SPTBN1: variants seen among roughly 807,000 people sequenced by gnomAD.
The protein encoded by SPTBN1 is spectrin beta, non-erythrocytic 1.
SPTBN1 carries 32 observed loss-of-function variants against 266.4 expected under a neutral mutation model. The observed-to-expected ratio is 0.12, with a 90% CI of 0.09 to 0.16. The LOEUF is 0.16. Among genes scored for constraint, SPTBN1 ranks in the 10% least tolerant of loss-of-function variants. The probability of loss-of-function intolerance (pLI) is 1.00; values close to 1 mark genes in which losing one functional copy is unlikely to be tolerated. For missense variants in SPTBN1, 2,296 were observed against 3,067.1 expected (o/e 0.75, Z 5.94); for synonymous variants, 1,336 against 1,162.2 (o/e 1.15, Z -3.04).
At chr2:54,623,302 A>C (rs996052482) in intron 9 of SPTBN1, among the ~76,000 whole-genome samples, 177 bp from the exon 10 acceptor site, 6 of 152,256 alleles carry the variant, frequency 3.9e-5, no homozygotes, top group African/African-American at 1.4e-4. Flanking sequence ...GCAACAACAA[A>C]GAAATTCCAC....
chr2:54,558,820 G>C lies in SPTBN1; in HGVS notation c.148+32254G>C. ...CGTCTAGTATCTCCGGGCCGCTGTC[G>C]CCGGCGTACACGGGGCAGGTGCCTT... On this transcript the variant is annotated intron_variant, in intron 2 of 35. Coordinates refer to ENST00000356805, the MANE Select transcript of SPTBN1 (RefSeq NM_003128.3). The surrounding 1 kb of genome is among the most constrained non-coding windows in gnomAD (Gnocchi z 4.6). 1 of 1,613,824 alleles carries C rather than the reference G, an allele frequency of 6.2e-7. No homozygotes were observed. The highest frequency in any genetic ancestry group is 8.5e-7 in the Non-Finnish European group (1 of 1,179,806).
intron 4 of SPTBN1, among the ~76,000 whole-genome samples, chr2:54,614,829 C>T (rs1160509526): frequency 6.6e-6 from 1 of 151,634 alleles, no homozygotes; most frequent in Non-Finnish European, 1.5e-5. Context: ...TGGTGAGAAA[C>T]TGGAGTGGAA....
rs1406625043 is a variant in SPTBN1 at position 54,533,935 on chromosome 2, C to T, written c.148+7369C>T. Among the ~76,000 whole-genome samples the T allele has an allele frequency of 2.1e-5, 3 of 145,334 alleles. No homozygotes were observed. Among genetic ancestry groups the T allele is most frequent in the African/African-American group, 7.5e-5 (3 of 40,022 alleles). Reference sequence around the variant, plus strand: ...ACACACACACACACACACGCACGCACGCACACAAACACACACACCCCAGTC... The same window carrying T: ...ACACACACACACACACACGCACGCATGCACACAAACACACACACCCCAGTC... On this transcript the variant is annotated intron_variant, in intron 2 of 35. Coordinates refer to ENST00000356805, the MANE Select transcript of SPTBN1 (RefSeq NM_003128.3). The surrounding 1 kb of genome is among the most constrained non-coding windows in gnomAD (Gnocchi z 4.2).
chr2:54,631,725 T>C, intron 16 of SPTBN1, 114 bp downstream of exon 16: 1 of 1,340,470 alleles, frequency 7.5e-7, no homozygotes, highest in Non-Finnish European at 1.0e-6. Context: ...ATTATATGGA[T>C]AATTTAGAGA....
chr2:54,638,603 C>T (rs1203265678), intron 18 of SPTBN1, among the ~76,000 whole-genome samples: 1 of 152,216 alleles, frequency 6.6e-6, no homozygotes, highest in Non-Finnish European at 1.5e-5. Flanking sequence ...AGTTTCTCTG[C>T]ACGCTAGTTG....
intron 1 of SPTBN1, among the ~76,000 whole-genome samples, chr2:54,492,349 G>GTTTTTTTT (rs542155672): frequency 4.5e-5 from 6 of 132,624 alleles, no homozygotes; most frequent in Non-Finnish European, 8.0e-5. Context: ...TTGTTTTTTT[G>GTTTTTTTT]TTTTTTTTTT....
intron 1 of SPTBN1, among the ~76,000 whole-genome samples, chr2:54,508,102 A>G (rs1187249156): frequency 2.0e-5 from 3 of 152,188 alleles, no homozygotes; most frequent in African/African-American, 7.2e-5. Flanking sequence ...AGTTTGAGGA[A>G]AAACCAGGTG....
chr2:54,642,686 C>T (rs763975615), intron 18 of SPTBN1, among the ~76,000 whole-genome samples: 24 of 152,052 alleles, frequency 1.6e-4, no homozygotes, highest in Admixed American at 6.5e-5. Flanking sequence ...ATTTTAAACA[C>T]GGGCCTTTTG....
intron 2 of SPTBN1, among the ~76,000 whole-genome samples, chr2:54,545,938 T>A (rs1672211406): frequency 6.6e-6 from 1 of 152,202 alleles, no homozygotes; most frequent in African/African-American, 2.4e-5. Flanking sequence ...GGTACAGGGA[T>A]GATAGCAACC....
Position 54,646,115 on chromosome 2 carries a change from T to G in SPTBN1, c.4585-79T>G. 1 of 1,602,918 alleles carries G rather than the reference T, an allele frequency of 6.2e-7. No homozygotes were observed. The highest frequency in any genetic ancestry group is 8.5e-7 in the Non-Finnish European group (1 of 1,173,662). ...GAGCTTTGAAGCCTTGCTATTTCTTTCTGGCCCTAACAGCTTGACATAAGC... is the reference window on the plus strand; with the variant it reads ...GAGCTTTGAAGCCTTGCTATTTCTTGCTGGCCCTAACAGCTTGACATAAGC... On this transcript the variant is annotated intron_variant, in intron 22 of 35. Coordinates refer to ENST00000356805, the MANE Select transcript of SPTBN1 (RefSeq NM_003128.3). This position sits in a 1 kb window ranked among gnomAD's most constrained non-coding sequence, Gnocchi z 4.4.
intron 1 of SPTBN1, among the ~76,000 whole-genome samples, chr2:54,508,463 G>A (rs1238782759): frequency 6.6e-6 from 1 of 152,192 alleles, no homozygotes; most frequent in African/African-American, 2.4e-5. Flanking sequence ...ACTGAAAAGT[G>A]ATTTCCTTGA....
intron 1 of SPTBN1, among the ~76,000 whole-genome samples, chr2:54,506,189 C>T (rs1326831390): frequency 1.3e-5 from 2 of 152,066 alleles, no homozygotes; most frequent in East Asian, 3.9e-4. Context: ...TGTATGTGTG[C>T]TTGAATAATT....
At chr2:54,459,510 T>C (rs1206007478) in intron 1 of SPTBN1, among the ~76,000 whole-genome samples, 1 of 152,236 alleles carries the variant, frequency 6.6e-6, no homozygotes, top group Non-Finnish European at 1.5e-5. Flanking sequence ...AACATAGACA[T>C]GATTAGTGGA....
chr2:54,585,450 C>T (rs1338420209), intron 2 of SPTBN1, among the ~76,000 whole-genome samples: 1 of 152,080 alleles, frequency 6.6e-6, no homozygotes, highest in South Asian at 2.1e-4. Context: ...AGGCAATGTA[C>T]ATTGGGTACT....
In SPTBN1 at chr2:54,558,367, G is replaced by A. The variant is rs1339761611; in HGVS notation, c.148+31801G>A. On this transcript the variant is annotated intron_variant, in intron 2 of 35. Coordinates refer to ENST00000356805, the MANE Select transcript of SPTBN1 (RefSeq NM_003128.3). The surrounding 1 kb of genome is among the most constrained non-coding windows in gnomAD (Gnocchi z 4.6). ...GTGGCTCCTGATAAAATTACAAACC[G>A]GCGGCCGCCGCGGGCAGCTGGGAGG... is the stretch of plus-strand genomic sequence containing the variant. 1 of 998,252 alleles carries A rather than the reference G, an allele frequency of 1.0e-6. No individual in the cohort carries two copies. The highest frequency in any genetic ancestry group is 1.2e-6 in the Non-Finnish European group (1 of 838,468). The allele number at this position is 998,252 out of a possible 1,614,324, so 61.8% of individuals were successfully genotyped here.
At chr2:54,543,873 TG>T (rs1434853017) in intron 2 of SPTBN1, among the ~76,000 whole-genome samples, 1 of 152,140 alleles carries the variant, frequency 6.6e-6, no homozygotes, top group African/African-American at 2.4e-5. Flanking sequence ...ACATGGTCAG[TG>T]TAGAACAATC....
At chr2:54,660,236 C>G (rs1410925469) in intron 32 of SPTBN1, 4 of 1,388,644 alleles carry the variant, frequency 2.9e-6, no homozygotes, top group South Asian at 1.9e-5. Context: ...ATGTTTGAGT[C>G]TCTTAACTGA....
At chr2:54,541,912 G>A (rs2104398860) in intron 2 of SPTBN1, among the ~76,000 whole-genome samples, 1 of 152,292 alleles carries the variant, frequency 6.6e-6, no homozygotes, top group South Asian at 2.1e-4. Context: ...TACCACATGA[G>A]ATGCTCTGAT....
chr2:54,618,641 TAATG>T (rs765382047), intron 7 of SPTBN1, among the ~76,000 whole-genome samples: 1 of 152,218 alleles, frequency 6.6e-6, no homozygotes, highest in Non-Finnish European at 1.5e-5. Context: ...CATAGGCTGT[TAATG>T]AATACTTGTT....
Sources: allele counts gnomAD v4.1 joint callset (sites outside exome capture counted in the v4.1 genomes callset), GRCh38; gene constraint gnomAD v4.1.1; non-coding constraint Gnocchi (gnomAD v3.1); transcripts MANE v1.5; gene names NCBI Gene and HGNC (gene_info 2026-07-23, HGNC 2026-07-21).